The following TMPRSS9 variants were observed in gnomAD, a reference collection of about 807,000 sequenced individuals.
TMPRSS9 encodes the protein transmembrane protease serine 9.
TMPRSS9 carries 113 observed loss-of-function variants against 111.4 expected under a neutral mutation model. The ratio of observed to expected loss-of-function variants is 1.01; its 90% CI spans 0.87 to 1.19. The LOEUF (loss-of-function observed/expected upper bound fraction) is 1.19, where lower values mean the gene tolerates loss of function less well. TMPRSS9 is among the 50% of genes most tolerant of loss of function. The pLI is 0.00. For missense variants in TMPRSS9, 1,803 were observed against 1,513.1 expected, an observed-to-expected ratio of 1.19 and a Z score of -3.18; for synonymous variants, 805 against 659.1, an observed-to-expected ratio of 1.22 and a Z score of -3.39.
At chr19:2,389,177 G>T (rs1246429373), upstream of TMPRSS9, among the ~76,000 whole-genome samples, 1 of 149,906 alleles carries the variant, frequency 6.7e-6, no homozygotes, top group Non-Finnish European at 1.5e-5. Context: ...GGGTTCAAGC[G>T]ATTCTCCTGC....
intron 13 of TMPRSS9, among the ~76,000 whole-genome samples, chr19:2,420,412 A>G (rs1027355258): frequency 1.9e-4 from 28 of 145,376 alleles, no homozygotes; most frequent in African/African-American, 6.8e-4. Flanking sequence ...ACTGCACTCC[A>G]GCCCGGGCAA....
chr19:2,405,298 A>C, intron 6 of TMPRSS9, 76 bp from the exon 8 acceptor site: 15 of 1,487,642 alleles, frequency 1.0e-5, no homozygotes, highest in Non-Finnish European at 1.2e-5. Flanking sequence ...CGAGAGACTC[A>C]GAGATGCATG....
upstream of TMPRSS9, among the ~76,000 whole-genome samples, chr19:2,389,367 ATCTGG>A (rs1970538755): frequency 1.5e-5 from 2 of 131,978 alleles, no homozygotes; most frequent in South Asian, 4.7e-4. Flanking sequence ...AAGCCACCGC[ATCTGG>A]TCTTTTTTTT....
chr19:2,422,390 G>T (rs927544651), intron 14 of TMPRSS9, 143 bp downstream of exon 15: 47 of 1,044,988 alleles, frequency 4.5e-5, no homozygotes, highest in Non-Finnish European at 5.4e-5. Flanking sequence ...CCATCCTGGC[G>T]AACACGGTGA....
chr19:2,395,646 C>T (rs1046292302), intron 1 of TMPRSS9, among the ~76,000 whole-genome samples: 5 of 151,854 alleles, frequency 3.3e-5, no homozygotes, highest in African/African-American at 9.7e-5. Flanking sequence ...ACCCGGGAGG[C>T]GGAGGTTACA....
chr19:2,425,236 C>G (rs752863911), exon 16 of TMPRSS9: 36 of 1,425,104 alleles, frequency 2.5e-5, no homozygotes, highest in Non-Finnish European at 6.4e-6. Flanking sequence ...CGCGCTGCGT[C>G]ATCACCGGCT....
intron 1 of TMPRSS9, among the ~76,000 whole-genome samples, chr19:2,395,995 G>C (rs1024739647): frequency 4.6e-5 from 7 of 152,188 alleles, no homozygotes; most frequent in Admixed American, 4.6e-4. Flanking sequence ...GCGACAGAGC[G>C]AGACTCTGTC....
chr19:2,385,357 A>C (rs1364859622), upstream of TMPRSS9, among the ~76,000 whole-genome samples: 1 of 152,170 alleles, frequency 6.6e-6, no homozygotes, highest in African/African-American at 2.4e-5. Context: ...TCCATGCGAC[A>C]CAGGCAGTTT....
chr19:2,420,624 C>A (rs1227488991), intron 13 of TMPRSS9, among the ~76,000 whole-genome samples: 1 of 152,000 alleles, frequency 6.6e-6, no homozygotes, highest in Non-Finnish European at 1.5e-5. Flanking sequence ...TTCAATCAGA[C>A]TTCTGAGTTC....
intron 8 of TMPRSS9, among the ~76,000 whole-genome samples, chr19:2,409,359 G>A (rs1250058880): frequency 6.6e-6 from 1 of 151,894 alleles, no homozygotes; most frequent in Non-Finnish European, 1.5e-5. Context: ...GGCCGGGCTG[G>A]TCTTGATCTC....
At chr19:2,371,611 C>T (rs568688506) in intron 1 of TMPRSS9, among the ~76,000 whole-genome samples, 226 of 152,020 alleles carry the variant, frequency 1.5e-3, no homozygotes, top group African/African-American at 4.6e-3. Context: ...GCAGGAGAAT[C>T]GGTTGAACCC....
At chr19:2,414,925 T>G (rs371839717) in intron 10 of TMPRSS9, among the ~76,000 whole-genome samples, 1 of 150,288 alleles carries the variant, frequency 6.7e-6, no homozygotes, top group Non-Finnish European at 1.5e-5. Context: ...TTCCAAAAAC[T>G]GTTAGTTGCA....
chr19:2,373,719 C>T (rs1374149075), intron 1 of TMPRSS9, among the ~76,000 whole-genome samples: 2 of 152,116 alleles, frequency 1.3e-5, no homozygotes, highest in Non-Finnish European at 2.9e-5. Context: ...AGGCTGGTCT[C>T]GAACTCCTGG....
At chr19:2,375,627 G>C (rs1489576020) in intron 1 of TMPRSS9, among the ~76,000 whole-genome samples, 1 of 151,120 alleles carries the variant, frequency 6.6e-6, no homozygotes, top group Non-Finnish European at 1.5e-5. Context: ...GGTGGAAGCT[G>C]TGATTGGCAG....
At chr19:2,418,287 C>A in intron 13 of TMPRSS9, 149 bp downstream of exon 14, 1 of 773,666 alleles carries the variant, frequency 1.3e-6, no homozygotes, top group Non-Finnish European at 1.8e-6. Flanking sequence ...CTTTTCCTTT[C>A]CTCCTTTCCT....
At chr19:2,421,830 C>A in intron 13 of TMPRSS9, 24 bp from the exon 15 acceptor site, 1 of 1,567,722 alleles carries the variant, frequency 6.4e-7, no homozygotes, top group Non-Finnish European at 8.6e-7. Context: ...GAGGACCAAC[C>A]AGTGCTCTTT....
chr19:2,396,726 C>T, intron 2 of TMPRSS9, 60 bp downstream of exon 3: 1 of 1,545,298 alleles, frequency 6.5e-7, no homozygotes, highest in Non-Finnish European at 8.8e-7. Flanking sequence ...GGGCTTTGAC[C>T]TGGAGGTGCT....
chr19:2,374,248 CTTTTTT>C (rs1027376774), intron 1 of TMPRSS9, among the ~76,000 whole-genome samples: 11 of 70,432 alleles, frequency 1.6e-4, no homozygotes, highest in Non-Finnish European at 2.2e-4. Context: ...TCTCAACAAT[CTTTTTT>C]TTTTTTTTTT....
intron 1 of TMPRSS9, among the ~76,000 whole-genome samples, chr19:2,380,817 A>G (rs1445145644): frequency 6.6e-6 from 1 of 152,088 alleles, no homozygotes; most frequent in Non-Finnish European, 1.5e-5. Flanking sequence ...GCTGACTAAT[A>G]CAGTTTCTCT....
Sources: gnomAD v4.1 joint callset for allele counts (sites outside exome capture counted in the v4.1 genomes callset) on GRCh38, gnomAD v4.1.1 for gene constraint, MANE v1.5 for transcripts, NCBI Gene and HGNC (gene_info 2026-07-23, HGNC 2026-07-21) for gene names.